The following NCAM2 variants were observed in gnomAD, a reference collection of about 807,000 sequenced individuals.
The protein encoded by NCAM2 is neural cell adhesion molecule 2.
Under a neutral mutation model 98.1 loss-of-function variants are expected in NCAM2, and 30 were observed. That is an observed-to-expected ratio of 0.31 (90% confidence interval 0.23 to 0.41). NCAM2 has a LOEUF of 0.41. Among genes scored for constraint, NCAM2 ranks in the 10% least tolerant of loss-of-function variants. The pLI is 1.00. For synonymous variants in NCAM2, 368 were observed against 342.4 expected (o/e 1.07, Z -0.83); for missense variants, 867 against 1,005.8 (o/e 0.86, Z 1.87).
chr21:21,313,331 A>G (rs1601945143), intron 5 of NCAM2, among the ~76,000 whole-genome samples: 1 of 150,768 alleles, frequency 6.6e-6, no homozygotes, highest in Middle Eastern at 3.4e-3. Context: ...ATTTGTTCCA[A>G]TTTTTTTTGT....
At chr21:21,029,929 A>G (rs2064642944) in intron 1 of NCAM2, among the ~76,000 whole-genome samples, 1 of 152,158 alleles carries the variant, frequency 6.6e-6, no homozygotes, top group Non-Finnish European at 1.5e-5. Context: ...ACAGCCAGCC[A>G]CAGTTATTGT....
intron 1 of NCAM2, among the ~76,000 whole-genome samples, chr21:21,262,677 AAG>A (rs1555845848): frequency 8.6e-5 from 13 of 151,628 alleles, no homozygotes; most frequent in African/African-American, 2.9e-4. Flanking sequence ...AAAAAAAAAA[AAG>A]ATGTCTTGCA....
intron 1 of NCAM2, among the ~76,000 whole-genome samples, chr21:21,139,468 G>T (rs148033228): frequency 3.3e-5 from 5 of 152,150 alleles, no homozygotes; most frequent in African/African-American, 1.2e-4. Flanking sequence ...GATTAAGCAC[G>T]ACTTTTCACA....
intron 15 of NCAM2, among the ~76,000 whole-genome samples, chr21:21,480,979 A>G (rs907914112): frequency 2.6e-5 from 4 of 152,194 alleles, no homozygotes; most frequent in African/African-American, 7.2e-5. Context: ...GAAATATCAA[A>G]TCGTTGGTTA....
chr21:21,213,761 AAC>A (rs2069754361), intron 1 of NCAM2, among the ~76,000 whole-genome samples: 1 of 152,194 alleles, frequency 6.6e-6, no homozygotes, highest in Admixed American at 6.5e-5. Flanking sequence ...AACATAAAAT[AAC>A]AAATTATACT....
intron 1 of NCAM2, among the ~76,000 whole-genome samples, chr21:21,091,434 C>T (rs2066009780): frequency 6.6e-6 from 1 of 151,802 alleles, no homozygotes; most frequent in Admixed American, 6.6e-5. Flanking sequence ...CAAAAATTGT[C>T]GATGTTCATT....
At chr21:21,438,818 C>T (rs1019401114) in intron 12 of NCAM2, among the ~76,000 whole-genome samples, 1 of 151,922 alleles carries the variant, frequency 6.6e-6, no homozygotes, top group Non-Finnish European at 1.5e-5. Flanking sequence ...CATGGTGGCT[C>T]ACGCTTGTGA....
chr21:21,299,762 A>G (rs1274768975), intron 5 of NCAM2, among the ~76,000 whole-genome samples: 2 of 151,912 alleles, frequency 1.3e-5, no homozygotes, highest in Non-Finnish European at 2.9e-5. Flanking sequence ...TAAACTTTTC[A>G]ACGCTTAAGT....
intron 1 of NCAM2, among the ~76,000 whole-genome samples, chr21:21,269,882 A>G (rs982741528): frequency 6.6e-6 from 1 of 152,166 alleles, no homozygotes. Context: ...GTAGTATCAT[A>G]TAATTCATGA....
At chr21:21,463,641 A>T (rs1983290361) in intron 12 of NCAM2, 1 of 152,106 alleles carries the variant, frequency 6.6e-6, no homozygotes, top group Non-Finnish European at 1.5e-5. Flanking sequence ...TAAGCCTTGA[A>T]TCTGAGAACA....
chr21:21,251,460 C>T (rs901406649), intron 1 of NCAM2, among the ~76,000 whole-genome samples: 4 of 152,086 alleles, frequency 2.6e-5, no homozygotes, highest in Admixed American at 2.0e-4. Context: ...CCAGCTTCAT[C>T]CATGTCCCTG....
Position 21,452,632 on chromosome 21 carries a change from TTATATATTATATATAAATA to T in NCAM2, c.1655-13958_1655-13940del, listed in dbSNP as rs1414900587. Among the ~76,000 whole-genome samples the T allele has an allele frequency of 2.9e-3, 333 of 114,466 alleles. 4 individuals are homozygous for T. Among genetic ancestry groups the T allele is most frequent in the African/African-American group, 0.011 (318 of 28,872 alleles). The allele number at this position is 114,466 out of a possible 152,430, so 75.1% of individuals were successfully genotyped here. ...TATATAGTATAATATATACAATATA[TTATATATTATATATAAATA>T]TATATATTATATATATTTAATATGT... On this transcript the variant is annotated intron_variant, in intron 12 of 17. Coordinates refer to ENST00000400546, the MANE Select transcript of NCAM2 (RefSeq NM_004540.5).
At chr21:21,403,522 C>A (rs2076675746) in intron 9 of NCAM2, among the ~76,000 whole-genome samples, 1 of 152,166 alleles carries the variant, frequency 6.6e-6, no homozygotes, top group African/African-American at 2.4e-5. Flanking sequence ...AGTTAATACT[C>A]AGGGAAGAAA....
chr21:21,369,684 G>A (rs1310960655), intron 8 of NCAM2, among the ~76,000 whole-genome samples: 1 of 151,756 alleles, frequency 6.6e-6, no homozygotes, highest in African/African-American at 2.4e-5. Context: ...TGATTTAAAT[G>A]TCCTTGATGG....
At chr21:21,085,119 G>A (rs2146423040) in intron 1 of NCAM2, among the ~76,000 whole-genome samples, 1 of 151,668 alleles carries the variant, frequency 6.6e-6, no homozygotes, top group African/African-American at 2.4e-5. Context: ...ACTTGATTAA[G>A]TTAAAGCCTG....
At chr21:21,263,884 A>T (rs1428688191) in intron 1 of NCAM2, among the ~76,000 whole-genome samples, 1 of 152,126 alleles carries the variant, frequency 6.6e-6, no homozygotes, top group Non-Finnish European at 1.5e-5. Flanking sequence ...TTAAATATAA[A>T]GTCCAAAAAC....
intron 1 of NCAM2, among the ~76,000 whole-genome samples, chr21:21,136,901 ATT>A (rs3071999): frequency 1.9e-3 from 289 of 150,784 alleles, no homozygotes; most frequent in African/African-American, 6.0e-3. Flanking sequence ...TAAATAATTG[ATT>A]TTTTTTTTTT....
intron 16 of NCAM2, among the ~76,000 whole-genome samples, chr21:21,534,264 AT>A (rs1314182991): frequency 6.6e-6 from 1 of 152,064 alleles, no homozygotes; most frequent in Non-Finnish European, 1.5e-5. Flanking sequence ...ATACAGTAGG[AT>A]TTTAAAATGT....
intron 1 of NCAM2, among the ~76,000 whole-genome samples, chr21:21,102,649 TGAG>T (rs2066268073): frequency 8.5e-6 from 1 of 117,028 alleles, no homozygotes; most frequent in East Asian, 2.5e-4. Context: ...GGAAAATACT[TGAG>T]TTGTTAACAT....
Sources: allele counts gnomAD v4.1 joint callset (sites outside exome capture counted in the v4.1 genomes callset), GRCh38; gene constraint gnomAD v4.1.1; transcripts MANE v1.5; gene names NCBI Gene and HGNC (gene_info 2026-07-23, HGNC 2026-07-21).